The following CCNG1 variants were observed in gnomAD, a reference collection of about 807,000 sequenced individuals.
The protein encoded by CCNG1 is cyclin G1.
A neutral mutation model predicts 30.0 loss-of-function variants in CCNG1; 13 were observed. That is an observed-to-expected ratio of 0.43 (90% CI 0.28 to 0.69). The LOEUF (loss-of-function observed/expected upper bound fraction) is 0.69. Among genes scored for constraint, CCNG1 ranks in the 30% least tolerant of loss-of-function variants. CCNG1 has a pLI of 0.16. For missense variants in CCNG1, 285 were observed against 331.4 expected (o/e 0.86, Z 1.09); for synonymous variants, 110 against 121.5 (o/e 0.91, Z 0.62).
chr5:163,444,737 G>A lies in CCNG1; in HGVS notation c.*1067G>A, dbSNP rs1434148884. 6.6e-6 allele frequency: 1 copy of A among 152,630 alleles called. No individual in the cohort carries two copies. Among genetic ancestry groups the A allele is most frequent in the Non-Finnish European group, 1.5e-5 (1 of 68,024 alleles). 9.5% of individuals were successfully genotyped at this position (152,630 alleles called of 1,614,324 possible). ...AAAGTGTTGTAAACAGTTACTCAGT[G>A]CAATGTATAGCCTGAGTCTATCCAT... On this transcript the variant is annotated 3_prime_UTR_variant, in exon 7 of 7. Coordinates refer to ENST00000340828, the MANE Select transcript of CCNG1 (RefSeq NM_004060.4).
chr5:163,454,529 C>T, the CCNG1 span, among the ~76,000 whole-genome samples: 5 of 152,046 alleles, frequency 3.3e-5, no homozygotes, highest in African/African-American at 9.7e-5. Flanking sequence ...TTAGTAGACA[C>T]GGGGTTTCTC....
chr5:163,441,835 TG>T (rs772517082), intron 3 of CCNG1, 50 bp from the exon 4 acceptor site: 1 of 1,099,556 alleles, frequency 9.1e-7, no homozygotes, highest in African/African-American at 1.6e-5. Flanking sequence ...AAACATCTTT[TG>T]ACTAGATGTA....
intron 3 of CCNG1, 57 bp downstream of exon 3, chr5:163,441,388 G>A: frequency 1.4e-6 from 2 of 1,472,826 alleles, no homozygotes; most frequent in East Asian, 2.3e-5. Flanking sequence ...GTATTGTATG[G>A]ATATTGCATA....
At chr5:163,448,794 A>G (rs907231145), downstream of CCNG1, 4 of 152,224 alleles carry the variant, frequency 2.6e-5, no homozygotes, top group Non-Finnish European at 5.9e-5. Context: ...GGTTGGGAGG[A>G]AATATAAGCT....
chr5:163,456,565 T>C, the CCNG1 span, among the ~76,000 whole-genome samples: 867 of 151,994 alleles, frequency 5.7e-3, 9 homozygotes, highest in African/African-American at 0.018. Context: ...AGCCAACATA[T>C]GAGATGAAAA....
At chr5:163,440,042 A>G (rs944304493) in intron 2 of CCNG1, among the ~76,000 whole-genome samples, 2 of 151,432 alleles carry the variant, frequency 1.3e-5, no homozygotes, top group Non-Finnish European at 2.9e-5. Context: ...CTATTTTCCT[A>G]TACTAGATAA....
At position 163,444,923 on chromosome 5, in the gene CCNG1, T is replaced by A. The variant is rs532529210; in HGVS notation, c.*1253T>A. The A allele has an allele frequency of 1.3e-5, 2 of 152,752 alleles. No homozygotes were observed. The highest frequency in any genetic ancestry group is 4.1e-4 in the South Asian group (2 of 4,832). The allele number at this position is 152,752 out of a possible 1,614,324, so 9.5% of individuals were successfully genotyped here. On this transcript the variant is annotated 3_prime_UTR_variant, in exon 7 of 7. Transcript: ENST00000340828. Reference sequence around the variant, plus strand: ...AAATTTCAATATTTTGAATACATCATTGTTAATTTTGAGTTGGCAGAGGTA... The same window carrying A: ...AAATTTCAATATTTTGAATACATCAATGTTAATTTTGAGTTGGCAGAGGTA...
chr5:163,443,812 A>G lies in CCNG1; in HGVS notation c.*142A>G. On this transcript the variant is annotated 3_prime_UTR_variant, in exon 7 of 7. Transcript: ENST00000340828. ...AGCATGATGGTCTCAGACTTGGGAA[A>G]ACTGCCTAATATTATGCTGTAGTGG... 1 of 863,596 alleles carries G rather than the reference A, an allele frequency of 1.2e-6. No individual in the cohort carries two copies. Among genetic ancestry groups the G allele is most frequent in the South Asian group, 1.6e-5 (1 of 63,280 alleles). 53.5% of individuals were successfully genotyped at this position (863,596 alleles called of 1,614,324 possible). A position where few individuals can be genotyped will look rare whatever the true frequency, so the allele number is the denominator to read the frequency against.
chr5:163,450,643 T>C (rs907923154), downstream of CCNG1: 3 of 152,160 alleles, frequency 2.0e-5, no homozygotes, highest in African/African-American at 4.8e-5. Context: ...CTAGAGTGAC[T>C]AAAATCAAAA....
the CCNG1 span, chr5:163,456,794 A>C: frequency 1.4e-6 from 1 of 709,360 alleles, no homozygotes; most frequent in Non-Finnish European, 2.1e-6. Flanking sequence ...CCATTTTTCT[A>C]ACAATTCACT....
At chr5:163,457,139 GTTT>G in the CCNG1 span, 64 of 1,208,250 alleles carry the variant, frequency 5.3e-5, no homozygotes, top group Admixed American at 1.5e-4. Context: ...TCATCAAGTT[GTTT>G]TTTTTTTTTT....
At chr5:163,439,551 G>C in intron 2 of CCNG1, 31 bp downstream of exon 2, 1 of 1,587,392 alleles carries the variant, frequency 6.3e-7, no homozygotes, top group African/African-American at 1.3e-5. Context: ...TTGTAATTTT[G>C]CTCAGTGTGT....
At chr5:163,455,269 A>C in the CCNG1 span, among the ~76,000 whole-genome samples, 2 of 152,374 alleles carry the variant, frequency 1.3e-5, no homozygotes, top group African/African-American at 4.8e-5. Context: ...AGAGCATTGC[A>C]GTCAGGATAG....
chr5:163,441,683 T>A (rs1757822534), intron 3 of CCNG1: 1 of 539,382 alleles, frequency 1.9e-6, no homozygotes, highest in South Asian at 2.7e-5. Context: ...TTTAATTTTT[T>A]GGCCCAAATC....
At chr5:163,438,970 G>A (rs574754504) in intron 1 of CCNG1, among the ~76,000 whole-genome samples, 1 of 147,198 alleles carries the variant, frequency 6.8e-6, no homozygotes, top group South Asian at 2.1e-4. Flanking sequence ...AGGTTGCAGT[G>A]AGCCAAGATC....
Sources: gnomAD v4.1 joint callset for allele counts (sites outside exome capture counted in the v4.1 genomes callset) on GRCh38, gnomAD v4.1.1 for gene constraint, MANE v1.5 for transcripts, NCBI Gene and HGNC (gene_info 2026-07-23, HGNC 2026-07-21) for gene names.